The following THOC1 variants were observed in gnomAD, a reference collection of about 807,000 sequenced individuals.
THOC1 encodes the protein THO complex 1.
A neutral mutation model predicts 97.3 loss-of-function variants in THOC1; 29 were observed. That is an observed-to-expected ratio of 0.30 (90% CI 0.22 to 0.41). The LOEUF is 0.41. THOC1 is among the 10% of genes least tolerant of loss of function. The pLI is 1.00. For synonymous variants in THOC1, 255 were observed against 257.0 expected (o/e 0.99, Z 0.07); for missense variants, 529 against 761.9 (o/e 0.69, Z 3.60).
At chr18:261,359 A>G (rs1213511585) in intron 4 of THOC1, among the ~76,000 whole-genome samples, 1 of 152,230 alleles carries the variant, frequency 6.6e-6, no homozygotes, top group Non-Finnish European at 1.5e-5. Context: ...AAAACAGTGC[A>G]TTAATATACT....
chr18:228,684 T>C (rs933491651), intron 11 of THOC1, among the ~76,000 whole-genome samples: 1 of 152,184 alleles, frequency 6.6e-6, no homozygotes, highest in Non-Finnish European at 1.5e-5. Context: ...ATTTCTTCTG[T>C]CATGTCTAGT....
At chr18:264,761 A>G (rs1357318988) in intron 3 of THOC1, among the ~76,000 whole-genome samples, 1 of 152,188 alleles carries the variant, frequency 6.6e-6, no homozygotes, top group East Asian at 1.9e-4. Context: ...TGGGGACCCA[A>G]CCTTTGCTTG....
intron 11 of THOC1, among the ~76,000 whole-genome samples, chr18:241,433 T>G (rs1911897711): frequency 6.6e-6 from 1 of 152,162 alleles, no homozygotes; most frequent in Non-Finnish European, 1.5e-5. Context: ...CTTCACACAA[T>G]GCAGAGACCA....
rs116357084 is a variant in THOC1, at chr18:258,778, C to T, written c.520+402G>A. Among the ~76,000 whole-genome samples, 750 of 151,996 alleles carry T rather than the reference C, an allele frequency of 4.9e-3. 5 individuals carry two copies. Among genetic ancestry groups the T allele is most frequent in the African/African-American group, 0.017 (723 of 41,468 alleles). ...ATTATTATTCGCTTTATGTACTTTTCTATATGAGCGTTATATTTCACAATA... is the reference window on the plus strand; with the variant it reads ...ATTATTATTCGCTTTATGTACTTTTTTATATGAGCGTTATATTTCACAATA... On this transcript the variant is annotated intron_variant, in intron 7 of 20. Transcript: ENST00000261600.
At chr18:234,543 G>GTT (rs879900233) in intron 11 of THOC1, among the ~76,000 whole-genome samples, 1 of 148,080 alleles carries the variant, frequency 6.8e-6, no homozygotes. Flanking sequence ...TCTTTAATCT[G>GTT]TTTTTTTTTT....
intron 7 of THOC1, among the ~76,000 whole-genome samples, chr18:257,968 T>A (rs545480215): frequency 2.8e-4 from 43 of 152,206 alleles, no homozygotes; most frequent in African/African-American, 9.9e-4. Flanking sequence ...AATGGCTAAA[T>A]TTTTACAAAC....
At chr18:258,290 T>A (rs1912497894) in intron 7 of THOC1, among the ~76,000 whole-genome samples, 2 of 151,038 alleles carry the variant, frequency 1.3e-5, no homozygotes, top group Non-Finnish European at 1.5e-5. Context: ...TTAACAGGAG[T>A]TTGGAAGAAA....
In THOC1 at chr18:253,884, T is replaced by C. The variant is rs1598304073; in HGVS notation, c.603+389A>G. Among the ~76,000 whole-genome samples the C allele has an allele frequency of 4.6e-5, 7 of 151,016 alleles. No individual in the cohort carries two copies. The South Asian group carries it at 1.5e-3, about 32-fold the overall frequency. On this transcript the variant is annotated intron_variant, in intron 8 of 20. Transcript: ENST00000261600. ...AAGTTTTTAAATTTTTGATGACTTG[T>C]AGGCCCATTTACATGAAATTTTTTT...
At chr18:256,043 A>C (rs148616231) in intron 7 of THOC1, among the ~76,000 whole-genome samples, 196 of 152,338 alleles carry the variant, frequency 1.3e-3, no homozygotes, top group African/African-American at 4.2e-3. Context: ...TTCACAATGC[A>C]CCTGGTCACC....
At chr18:219,065 C>T (rs1322763986) in intron 17 of THOC1, 96 bp from the exon 18 acceptor site, 2 of 342,414 alleles carry the variant, frequency 5.8e-6, no homozygotes, top group East Asian at 1.2e-4. Flanking sequence ...GCATGTGTTC[C>T]CTGAGCAGTA....
chr18:250,948 G>A (rs542495292), intron 9 of THOC1, among the ~76,000 whole-genome samples: 1 of 152,054 alleles, frequency 6.6e-6, no homozygotes, highest in East Asian at 1.9e-4. Context: ...TGTTGCTCAG[G>A]CCAGACCTTA....
At chr18:218,021 T>C (rs1169996703) in intron 18 of THOC1, among the ~76,000 whole-genome samples, 1 of 152,202 alleles carries the variant, frequency 6.6e-6, no homozygotes. Flanking sequence ...TAAAGATCAC[T>C]GGCTGATGCA....
At chr18:259,571 C>T (rs1056176449) in intron 6 of THOC1, 111 bp downstream of exon 6, 11 of 835,096 alleles carry the variant, frequency 1.3e-5, no homozygotes, top group African/African-American at 1.8e-5. Flanking sequence ...GTTAAAAATG[C>T]AGATACCTAA....
At chr18:232,657 A>G (rs994768008) in intron 11 of THOC1, among the ~76,000 whole-genome samples, 4 of 151,954 alleles carry the variant, frequency 2.6e-5, no homozygotes, top group African/African-American at 9.7e-5. Context: ...TAACTTCACT[A>G]GTTTTTACAA....
chr18:228,640 C>T lies in THOC1; in HGVS notation c.919-1739G>A, dbSNP rs139961182. On this transcript the variant is annotated intron_variant, in intron 11 of 20. Transcript: ENST00000261600. Reference sequence around the variant, plus strand: ...AGACTTCATGGTTAATCTCTTCGGCCATTTTCTTGCCAACTTCAACACACT... The same window carrying T: ...AGACTTCATGGTTAATCTCTTCGGCTATTTTCTTGCCAACTTCAACACACT... 6.6e-5 allele frequency among the ~76,000 whole-genome samples: 10 copies of T among 152,300 alleles called. No homozygotes were observed. In the East Asian group the frequency reaches 1.7e-3, roughly 26 times the overall value.
At position 227,324 on chromosome 18, in the gene THOC1, A is replaced by AT. The variant is rs958577394; in HGVS notation, c.919-424dup. ...GCAAGACTCTAAATTTAAAAAAAAA[A>AT]TTTTTTTTTAAAGTAAAACTGAGGC... is the stretch of plus-strand genomic sequence containing the variant. On this transcript the variant is annotated intron_variant, in intron 11 of 20. Coordinates refer to ENST00000261600, the MANE Select transcript of THOC1 (RefSeq NM_005131.3). Among the ~76,000 whole-genome samples the AT allele has an allele frequency of 6.9e-4, 105 of 151,870 alleles. 1 individual carries two copies. The highest frequency in any genetic ancestry group is 2.3e-3 in the African/African-American group (95 of 41,402).
chr18:256,519 G>A (rs987206226), intron 7 of THOC1, among the ~76,000 whole-genome samples: 2 of 152,186 alleles, frequency 1.3e-5, no homozygotes, highest in African/African-American at 4.8e-5. Context: ...TGCTTCTTAC[G>A]AATGAGCAAA....
intron 9 of THOC1, among the ~76,000 whole-genome samples, chr18:249,668 GAAA>G (rs11399503): frequency 8.3e-6 from 1 of 121,058 alleles, no homozygotes; most frequent in East Asian, 2.6e-4. Context: ...TCTCAAAAAA[GAAA>G]AAAAAAAAAG....
intron 20 of THOC1, among the ~76,000 whole-genome samples, chr18:215,199 A>G (rs909981841): frequency 6.6e-6 from 1 of 152,184 alleles, no homozygotes; most frequent in African/African-American, 2.4e-5. Context: ...TCGCCTTCAA[A>G]TGTATTTTCA....
Sources: gnomAD v4.1 joint callset for allele counts (sites outside exome capture counted in the v4.1 genomes callset) on GRCh38, gnomAD v4.1.1 for gene constraint, MANE v1.5 for transcripts, NCBI Gene and HGNC (gene_info 2026-07-23, HGNC 2026-07-21) for gene names.